Variants in TMEM131 observed in about 807,000 individuals in gnomAD.
TMEM131 encodes the protein 2610524E03Rik.
In TMEM131, 66 loss-of-function variants were observed where a neutral mutation model predicts 211.6. The ratio of observed to expected loss-of-function variants is 0.31; its 90% CI spans 0.26 to 0.38. The LOEUF (loss-of-function observed/expected upper bound fraction) is 0.38. Ranked by LOEUF, TMEM131 falls within the 10% of genes least tolerant of loss-of-function variation. The pLI, the probability that TMEM131 is intolerant of heterozygous loss-of-function variation, is 1.00. For synonymous variants in TMEM131, 844 were observed against 841.3 expected (o/e 1.00, Z -0.06); for missense variants, 2,036 against 2,299.3 (o/e 0.89, Z 2.34).
chr2:97,911,612 A>G (rs905424211), intron 2 of TMEM131: 4 of 985,050 alleles, frequency 4.1e-6, no homozygotes, highest in Non-Finnish European at 3.6e-6. Context: ...TACTCATACG[A>G]AGACTCACAA....
At chr2:97,981,099 CACAT>C (rs1036009826) in intron 1 of TMEM131, among the ~76,000 whole-genome samples, 4 of 129,088 alleles carry the variant, frequency 3.1e-5, no homozygotes, top group Admixed American at 2.5e-4. Flanking sequence ...GCTATCCACA[CACAT>C]ACACTCTTTA....
At chr2:97,808,512 C>T (rs1681410830) in intron 19 of TMEM131, among the ~76,000 whole-genome samples, 1 of 152,106 alleles carries the variant, frequency 6.6e-6, no homozygotes, top group Non-Finnish European at 1.5e-5. Context: ...CCTCCTCTAC[C>T]CACCCTCCTC....
chr2:97,948,975 T>C lies in TMEM131; in HGVS notation c.188-21488A>G, dbSNP rs548349745. 2.6e-5 allele frequency among the ~76,000 whole-genome samples: 4 copies of C among 152,196 alleles called. No homozygotes were observed. In the East Asian group the frequency reaches 7.7e-4, roughly 29 times the overall value. On this transcript the variant is annotated intron_variant, in intron 1 of 40. Coordinates refer to ENST00000186436, the MANE Select transcript of TMEM131 (RefSeq NM_015348.2). ...CCAGGCCAGTAGTTTCTGAAAAAGT[T>C]GAACACATAACCCACCAGACATTCC... is the stretch of plus-strand genomic sequence containing the variant.
intron 31 of TMEM131, among the ~76,000 whole-genome samples, 185 bp from the exon 32 acceptor site, chr2:97,776,203 G>A (rs988776236): frequency 1.3e-5 from 2 of 151,978 alleles, no homozygotes; most frequent in African/African-American, 2.4e-5. Context: ...ACAGGCGCCC[G>A]CCACCATGCC....
intron 35 of TMEM131, 163 bp from the exon 36 acceptor site, chr2:97,762,363 A>C (rs1678898550): frequency 1.5e-6 from 1 of 662,610 alleles, no homozygotes; most frequent in Non-Finnish European, 2.5e-6. Context: ...TTAAAGAGAA[A>C]GCAGCCACAT....
intron 1 of TMEM131, among the ~76,000 whole-genome samples, chr2:97,967,308 G>A (rs951302058): frequency 6.6e-6 from 1 of 152,120 alleles, no homozygotes; most frequent in African/African-American, 2.4e-5. Flanking sequence ...ATTCTTGGAA[G>A]CTAATTACTA....
At chr2:97,992,758 A>G (rs1680320819) in intron 1 of TMEM131, among the ~76,000 whole-genome samples, 1 of 152,246 alleles carries the variant, frequency 6.6e-6, no homozygotes, top group African/African-American at 2.4e-5. Flanking sequence ...TTTTAAAAAT[A>G]TATTTTCACA....
At chr2:97,932,656 C>G (rs1311737988) in intron 1 of TMEM131, among the ~76,000 whole-genome samples, 1 of 152,160 alleles carries the variant, frequency 6.6e-6, no homozygotes, top group Non-Finnish European at 1.5e-5. Flanking sequence ...CTAAAAAGAT[C>G]TGTAAACTTC....
intron 2 of TMEM131, among the ~76,000 whole-genome samples, chr2:97,926,332 A>G (rs558556105): frequency 1.6e-4 from 25 of 152,300 alleles, no homozygotes; most frequent in South Asian, 8.3e-4. Context: ...TAATCATAGC[A>G]TAAGAAACCA....
chr2:97,831,800 G>C (rs966704675), intron 11 of TMEM131, among the ~76,000 whole-genome samples: 2 of 148,718 alleles, frequency 1.3e-5, no homozygotes, highest in Non-Finnish European at 3.0e-5. Flanking sequence ...TTGAGTAGCT[G>C]GTACTACAGG....
chr2:97,936,405 T>C (rs1677447773), intron 1 of TMEM131, among the ~76,000 whole-genome samples: 1 of 152,172 alleles, frequency 6.6e-6, no homozygotes, highest in African/African-American at 2.4e-5. Flanking sequence ...GACCCCAGGC[T>C]TTGTGTAAAC....
chr2:97,818,514 T>C, intron 12 of TMEM131, 99 bp downstream of exon 12: 1 of 592,186 alleles, frequency 1.7e-6, no homozygotes, highest in Non-Finnish European at 2.9e-6. Context: ...ATTCTGATGG[T>C]AAAACAGTTT....
intron 5 of TMEM131, among the ~76,000 whole-genome samples, chr2:97,852,243 T>A (rs1167475806): frequency 6.0e-5 from 9 of 150,710 alleles, no homozygotes; most frequent in African/African-American, 2.2e-4. Flanking sequence ...CTCACTGCAA[T>A]CTCTGCCTTC....
chr2:97,959,790 T>A (rs1047926753), intron 1 of TMEM131, among the ~76,000 whole-genome samples: 1 of 152,222 alleles, frequency 6.6e-6, no homozygotes, highest in African/African-American at 2.4e-5. Flanking sequence ...TATAACCTTT[T>A]TTTTCAGTCC....
chr2:97,818,495 G>T (rs1681951443), intron 12 of TMEM131, 118 bp downstream of exon 12: 8 of 375,724 alleles, frequency 2.1e-5, no homozygotes, highest in African/African-American at 5.4e-5. Flanking sequence ...AACCTAAGCA[G>T]TAATATAAAT....
chr2:97,786,734 T>TGAGGAGCTCTCATTCAATGTGAGAG (rs1054835330), intron 31 of TMEM131, among the ~76,000 whole-genome samples: 1 of 152,072 alleles, frequency 6.6e-6, no homozygotes, highest in Admixed American at 6.5e-5. Context: ...AGAGGCACGG[T>TGAGGAGCTCTCATTCAATGTGAGAG]GTAGGTGAGG....
intron 1 of TMEM131, among the ~76,000 whole-genome samples, chr2:97,978,948 A>G (rs541197797): frequency 1.3e-5 from 2 of 152,338 alleles, no homozygotes; most frequent in African/African-American, 4.8e-5. Context: ...TTTTAAAATA[A>G]GACATGAAAC....
At chr2:97,891,374 T>C (rs920876981) in intron 3 of TMEM131, among the ~76,000 whole-genome samples, 1 of 152,162 alleles carries the variant, frequency 6.6e-6, no homozygotes, top group Admixed American at 6.5e-5. Context: ...AGCATGCCAG[T>C]GTGCTGGGCT....
chr2:97,848,365 T>C (rs540588299), intron 5 of TMEM131, among the ~76,000 whole-genome samples: 1 of 152,222 alleles, frequency 6.6e-6, no homozygotes, highest in Non-Finnish European at 1.5e-5. Context: ...TCCCTCAGTA[T>C]CTGTGGGATT....
Sources: allele counts gnomAD v4.1 joint callset (sites outside exome capture counted in the v4.1 genomes callset), GRCh38; gene constraint gnomAD v4.1.1; transcripts MANE v1.5; gene names NCBI Gene and HGNC (gene_info 2026-07-23, HGNC 2026-07-21).